The following UTY variants were observed in gnomAD, a reference collection of about 807,000 sequenced individuals.
The protein encoded by UTY is ubiquitously transcribed tetratricopeptide repeat containing, Y-linked.
A neutral mutation model predicts 32.5 loss-of-function variants in UTY; 12 were observed. That is an observed-to-expected ratio of 0.37 (90% CI 0.24 to 0.60). UTY has a LOEUF of 0.60. Among genes scored for constraint, UTY ranks in the 20% least tolerant of loss-of-function variants. The probability of loss-of-function intolerance (pLI) is 0.69; values close to 1 mark genes in which losing one functional copy is unlikely to be tolerated. For synonymous variants in UTY, 131 were observed against 103.4 expected, an observed-to-expected ratio of 1.27 and a Z score of -1.62; for missense variants, 303 against 299.2, an observed-to-expected ratio of 1.01 and a Z score of -0.09.
At chrY:13,316,337 G>T (rs779314578) in intron 21 of UTY, among the ~76,000 whole-genome samples, 1 of 33,438 alleles carries the variant, frequency 3.0e-5, no homozygotes, top group South Asian at 6.7e-4. Flanking sequence ...AGTTTTACTT[G>T]CTTCTAACAC....
intron 8 of UTY, among the ~76,000 whole-genome samples, chrY:13,374,145 C>T: frequency 3.0e-5 from 1 of 33,427 alleles, no homozygotes; most frequent in Admixed American, 2.7e-4. Context: ...CAGTCTCCTG[C>T]CTCAGCCTCC....
intron 8 of UTY, among the ~76,000 whole-genome samples, chrY:13,382,308 G>A: frequency 3.0e-5 from 1 of 33,118 alleles, no homozygotes; most frequent in South Asian, 6.9e-4. Context: ...TAGAAACAGT[G>A]GATATCAAAA....
intron 17 of UTY, among the ~76,000 whole-genome samples, chrY:13,343,642 T>A: frequency 3.0e-5 from 1 of 33,083 alleles, no homozygotes; most frequent in African/African-American, 1.2e-4. Context: ...ATGAAGCAGA[T>A]ATGATACTTC....
At chrY:13,369,200 C>G in intron 9 of UTY, 56 bp downstream of exon 9, 1 of 242,576 alleles carries the variant, frequency 4.1e-6, no homozygotes, top group Non-Finnish European at 5.9e-6. Flanking sequence ...AAAATTGAAC[C>G]TCAAAAGGCA....
At chrY:13,351,805 G>A in intron 17 of UTY, among the ~76,000 whole-genome samples, 1 of 33,652 alleles carries the variant, frequency 3.0e-5, no homozygotes, top group South Asian at 6.5e-4. Flanking sequence ...TACATGCACA[G>A]ACTAAATTAC....
At chrY:13,396,821 T>C in intron 7 of UTY, 97 bp downstream of exon 7, 1 of 169,178 alleles carries the variant, frequency 5.9e-6, no homozygotes, top group Non-Finnish European at 9.9e-6. Context: ...GCCTTCTCAC[T>C]TCTCTTCTCA....
At chrY:13,400,896 TAAA>T (rs2068927070) in intron 6 of UTY, among the ~76,000 whole-genome samples, 4 of 33,023 alleles carry the variant, frequency 1.2e-4, no homozygotes, top group African/African-American at 4.7e-4. Context: ...TAAAAAATAA[TAAA>T]AGAAAACTGG....
At chrY:13,394,918 C>T in intron 7 of UTY, among the ~76,000 whole-genome samples, 3 of 32,665 alleles carry the variant, frequency 9.2e-5, no homozygotes, top group African/African-American at 3.6e-4. Context: ...GGAAAGCAGC[C>T]CCTTTAATAT....
intron 8 of UTY, among the ~76,000 whole-genome samples, chrY:13,390,892 C>T: frequency 3.0e-5 from 1 of 33,555 alleles, no homozygotes; most frequent in Non-Finnish European, 7.4e-5. Flanking sequence ...GACAGTCTTT[C>T]ATTCACGGGT....
intron 28 of UTY, among the ~76,000 whole-genome samples, chrY:13,254,076 G>C: frequency 3.0e-5 from 1 of 33,520 alleles, no homozygotes; most frequent in Non-Finnish European, 7.4e-5. Flanking sequence ...GATGATTGCA[G>C]ATTTGGCTGC....
intron 19 of UTY, among the ~76,000 whole-genome samples, chrY:13,325,536 T>TA (rs1249882573): frequency 1.5e-4 from 5 of 33,663 alleles, no homozygotes; most frequent in Admixed American, 1.4e-3. Context: ...TGCTAAATAG[T>TA]AAAAAAAGCC....
At chrY:13,473,429 T>C in intron 2 of UTY, among the ~76,000 whole-genome samples, 1 of 33,782 alleles carries the variant, frequency 3.0e-5, no homozygotes, top group African/African-American at 1.2e-4. Flanking sequence ...ACGATAGACA[T>C]ACTTTACCAG....
chrY:13,359,424 C>A (rs2063299281), intron 12 of UTY, among the ~76,000 whole-genome samples: 1 of 33,607 alleles, frequency 3.0e-5, no homozygotes, highest in Non-Finnish European at 7.3e-5. Context: ...TCAGTTCTCA[C>A]AGATATCTTC....
At chrY:13,245,267 C>G, downstream of UTY, among the ~76,000 whole-genome samples, 2 of 33,405 alleles carry the variant, frequency 6.0e-5, no homozygotes, top group Non-Finnish European at 1.5e-4. Flanking sequence ...TGCACTAACC[C>G]GAAGAGATCT....
chrY:13,267,955 A>AT (rs2055972653), intron 27 of UTY, among the ~76,000 whole-genome samples: 5 of 31,949 alleles, frequency 1.6e-4, no homozygotes, highest in African/African-American at 2.5e-4. Context: ...TGCCCTTAAC[A>AT]TTTTTTCCTT....
intron 27 of UTY, among the ~76,000 whole-genome samples, chrY:13,275,666 A>C: frequency 2.7e-4 from 9 of 33,503 alleles, no homozygotes; most frequent in African/African-American, 1.0e-3. Context: ...CTATTCTTTA[A>C]CAGAAATACT....
At chrY:13,317,775 T>C in intron 21 of UTY, among the ~76,000 whole-genome samples, 1 of 33,685 alleles carries the variant, frequency 3.0e-5, no homozygotes, top group African/African-American at 1.2e-4. Flanking sequence ...CCAATAAAAA[T>C]ATATTTGTAG....
intron 21 of UTY, among the ~76,000 whole-genome samples, chrY:13,310,980 C>T: frequency 3.2e-5 from 1 of 30,867 alleles, no homozygotes; most frequent in African/African-American, 1.3e-4. Flanking sequence ...CCCAGCTACT[C>T]GGGAGGCTGA....
At chrY:13,302,490 A>G (rs1051462649) in intron 25 of UTY, among the ~76,000 whole-genome samples, 1 of 33,787 alleles carries the variant, frequency 3.0e-5, no homozygotes, top group African/African-American at 1.2e-4. Flanking sequence ...CTACGACAGA[A>G]TGCCATAGCA....
Sources: allele counts gnomAD v4.1 joint callset (sites outside exome capture counted in the v4.1 genomes callset), GRCh38; gene constraint gnomAD v4.1.1; transcripts MANE v1.5; gene names NCBI Gene and HGNC (gene_info 2026-07-23, HGNC 2026-07-21).